RIN3: variants seen among roughly 807,000 people sequenced by gnomAD.
The protein encoded by RIN3 is RAB5 interacting protein 3.
Under a neutral mutation model 76.3 loss-of-function variants are expected in RIN3, and 54 were observed. That is an observed-to-expected ratio of 0.71 (90% CI 0.57 to 0.89). The LOEUF (loss-of-function observed/expected upper bound fraction) is 0.89. Ranked by LOEUF, RIN3 falls within the 40% of genes least tolerant of loss-of-function variation. RIN3 has a pLI of 0.00. For missense variants in RIN3, 1,256 were observed against 1,322.1 expected (o/e 0.95, Z 0.78); for synonymous variants, 576 against 564.0 (o/e 1.02, Z -0.30).
chr14:92,519,522 G>A (rs567787557), intron 1 of RIN3, among the ~76,000 whole-genome samples: 118 of 152,278 alleles, frequency 7.7e-4, no homozygotes, highest in South Asian at 5.2e-3. Context: ...TGAGGAGATC[G>A]CAGACAGCCG....
chr14:92,661,758 C>CAAAAAAA (rs56180273), intron 7 of RIN3, among the ~76,000 whole-genome samples: 2 of 133,238 alleles, frequency 1.5e-5, no homozygotes, highest in Non-Finnish European at 3.1e-5. Context: ...CACACACACA[C>CAAAAAAA]AAAAAATAGA....
intron 2 of RIN3, among the ~76,000 whole-genome samples, chr14:92,564,361 T>C (rs1455912897): frequency 6.6e-6 from 1 of 152,194 alleles, no homozygotes; most frequent in African/African-American, 2.4e-5. Context: ...GAAGAGGGTC[T>C]GCAGACTGGC....
At chr14:92,617,782 A>T (rs1299394234) in intron 4 of RIN3, among the ~76,000 whole-genome samples, 1 of 152,218 alleles carries the variant, frequency 6.6e-6, no homozygotes, top group Non-Finnish European at 1.5e-5. Flanking sequence ...CATAGGCCAC[A>T]TGTGCCAGCA....
chr14:92,559,285 C>T (rs1009272000), intron 2 of RIN3, among the ~76,000 whole-genome samples: 1 of 152,308 alleles, frequency 6.6e-6, no homozygotes, highest in East Asian at 1.9e-4. Flanking sequence ...TAAGTCTCCA[C>T]AGGGATGGGT....
chr14:92,658,442 G>C (rs1319829503), intron 6 of RIN3, among the ~76,000 whole-genome samples: 1 of 152,232 alleles, frequency 6.6e-6, no homozygotes, highest in Non-Finnish European at 1.5e-5. Context: ...TCACAGCGGG[G>C]CCTCTTAGGC....
intron 7 of RIN3, among the ~76,000 whole-genome samples, chr14:92,664,007 G>C (rs926873526): frequency 6.6e-6 from 1 of 152,220 alleles, no homozygotes; most frequent in South Asian, 2.1e-4. Context: ...ATGAATGAGC[G>C]TCTAGATGTT....
rs1002468284 is a variant in RIN3, at chr14:92,514,625, C to T, written c.44+649C>T. Among the ~76,000 whole-genome samples, 4 of 152,238 alleles carry T rather than the reference C, an allele frequency of 2.6e-5. No homozygotes were observed. Among genetic ancestry groups the T allele is most frequent in the Non-Finnish European group, 4.4e-5 (3 of 68,036 alleles). ...GGGTCCAGGGCGCACGGGCTGCGCGCGGGCTGTGGATGCATGACGCCGAAT... is the reference window on the plus strand; with the variant it reads ...GGGTCCAGGGCGCACGGGCTGCGCGTGGGCTGTGGATGCATGACGCCGAAT... On this transcript the variant is annotated intron_variant, in intron 1 of 9. Coordinates refer to ENST00000216487, the MANE Select transcript of RIN3 (RefSeq NM_024832.5). The surrounding 1 kb of genome is among the most constrained non-coding windows in gnomAD (Gnocchi z 7.2).
In RIN3 at chr14:92,688,626, G is replaced by T. The variant is rs1017738800; in HGVS notation, c.*374G>T. Reference sequence around the variant, plus strand: ...CCATCCTCGGTCTTTGCAAAGAAGGGCCCGAGCTTAGTTTCCCCAGGACTG... The same window carrying T: ...CCATCCTCGGTCTTTGCAAAGAAGGTCCCGAGCTTAGTTTCCCCAGGACTG... On this transcript the variant is annotated 3_prime_UTR_variant, in exon 10 of 10. Coordinates refer to ENST00000216487, the MANE Select transcript of RIN3 (RefSeq NM_024832.5). 3.9e-6 allele frequency: 1 copy of T among 259,364 alleles called. No individual in the cohort carries two copies. Among genetic ancestry groups the T allele is most frequent in the Non-Finnish European group, 7.4e-6 (1 of 135,342 alleles). The allele number at this position is 259,364 out of a possible 1,614,324, so 16.1% of individuals were successfully genotyped here. A position where few individuals can be genotyped will look rare whatever the true frequency, so the allele number is the denominator to read the frequency against.
At chr14:92,674,585 CAG>C (rs1337400544) in intron 7 of RIN3, among the ~76,000 whole-genome samples, 3 of 152,012 alleles carry the variant, frequency 2.0e-5, no homozygotes, top group African/African-American at 7.3e-5. Context: ...GCCTGGGCGA[CAG>C]AGTGAAACCC....
chr14:92,684,140 G>A (rs1888760679), intron 8 of RIN3, among the ~76,000 whole-genome samples: 1 of 152,174 alleles, frequency 6.6e-6, no homozygotes, highest in Admixed American at 6.5e-5. Context: ...AGCACTTTGG[G>A]AGGCTGAGGC....
intron 6 of RIN3, among the ~76,000 whole-genome samples, chr14:92,654,305 ACT>A (rs1169476274): frequency 1.4e-5 from 2 of 142,324 alleles, no homozygotes; most frequent in Admixed American, 7.5e-5. Context: ...CAAGAGCAAA[ACT>A]CTGTCTAAAA....
chr14:92,672,799 G>C (rs1243270751), intron 7 of RIN3, among the ~76,000 whole-genome samples: 1 of 151,866 alleles, frequency 6.6e-6, no homozygotes, highest in Non-Finnish European at 1.5e-5. Context: ...AAGAAACTCG[G>C]TACCCATTAG....
rs772324258 is a variant in RIN3 at position 92,652,533 on chromosome 14, C to T, written c.1484C>T (p.Pro495Leu). ...GCGATGGCCTTGGAGACACCCACGC[C>T]GGGTCCACCCAGAGAGGGCCAAAGC... is the stretch of plus-strand genomic sequence containing the variant. Reference protein sequence around the residue: ...TQAMALETPTPGPPREGQSPA... With the variant: ...TQAMALETPTLGPPREGQSPA... The change falls in exon 6 of 10, where the codon CCG becomes CTG. Residue 495 changes from proline (P) to leucine (L), a missense_variant. Pro to Leu is a moderately conservative substitution (Grantham distance 98, BLOSUM62 -3). Coordinates refer to ENST00000216487, the MANE Select transcript of RIN3 (RefSeq NM_024832.5). This position sits in a 1 kb window ranked among gnomAD's most constrained non-coding sequence, Gnocchi z 6.4. The T allele has an allele frequency of 8.7e-6, 14 of 1,613,622 alleles. No individual in the cohort carries two copies. The highest frequency in any genetic ancestry group is 4.0e-5 in the African/African-American group (3 of 74,928).
At chr14:92,561,044 A>AAAAATATATATATATATATATAT (rs1555383856) in intron 2 of RIN3, among the ~76,000 whole-genome samples, 2 of 24,402 alleles carry the variant, frequency 8.2e-5, no homozygotes, top group African/African-American at 1.3e-4. Context: ...AAAAAAAAAA[A>AAAAATATATATATATATATATAT]ATATATATAT....
intron 3 of RIN3, among the ~76,000 whole-genome samples, chr14:92,603,464 AC>A (rs1298131607): frequency 6.6e-6 from 1 of 152,042 alleles, no homozygotes; most frequent in African/African-American, 2.4e-5. Flanking sequence ...TTGTGCAACG[AC>A]CCAGAGGGTG....
rs563598968 is a variant in RIN3, at chr14:92,577,513, C to T, written c.367+36C>T. 4.2e-5 allele frequency: 57 copies of T among 1,361,972 alleles called. 1 individual carries two copies. In the East Asian group the frequency reaches 8.8e-4, roughly 21 times the overall value. The allele number at this position is 1,361,972 out of a possible 1,614,324, so 84.4% of individuals were successfully genotyped here. A position where few individuals can be genotyped will look rare whatever the true frequency, so the allele number is the denominator to read the frequency against. ...ATCTTCTCTGTTTTCACTTTGACCACGCGGCAGCAGCAGCAGCAGAGAGGC... is the reference window on the plus strand; with the variant it reads ...ATCTTCTCTGTTTTCACTTTGACCATGCGGCAGCAGCAGCAGCAGAGAGGC... On this transcript the variant is annotated intron_variant, in intron 3 of 9. Coordinates refer to ENST00000216487, the MANE Select transcript of RIN3 (RefSeq NM_024832.5).
chr14:92,527,046 C>CTT lies in RIN3; in HGVS notation c.44+13091_44+13092dup, dbSNP rs1215618245. On this transcript the variant is annotated intron_variant, in intron 1 of 9. Coordinates refer to ENST00000216487, the MANE Select transcript of RIN3 (RefSeq NM_024832.5). ...TGTGTCTGTCTGTGTTTCTCCCCAT[C>CTT]TTTTTTTTTTTTTTTTTTTTTTGAG... 8.5e-3 allele frequency among the ~76,000 whole-genome samples: 937 copies of CTT among 109,910 alleles called. 36 individuals are homozygous for CTT. Among genetic ancestry groups the CTT allele is most frequent in the African/African-American group, 0.026 (631 of 24,734 alleles). The allele number at this position is 109,910 out of a possible 152,430, so 72.1% of individuals were successfully genotyped here.
At chr14:92,559,312 C>T (rs968373331) in intron 2 of RIN3, among the ~76,000 whole-genome samples, 1 of 152,216 alleles carries the variant, frequency 6.6e-6, no homozygotes, top group African/African-American at 2.4e-5. Flanking sequence ...CCAGCCACAC[C>T]TACCACTAGA....
At chr14:92,585,174 G>A (rs1884724401) in intron 3 of RIN3, among the ~76,000 whole-genome samples, 1 of 152,020 alleles carries the variant, frequency 6.6e-6, no homozygotes, top group South Asian at 2.1e-4. Context: ...CACTGTGCCT[G>A]GGTAATTTTT....
Sources: gnomAD v4.1 joint callset for allele counts (sites outside exome capture counted in the v4.1 genomes callset) on GRCh38, gnomAD v4.1.1 for gene constraint, Gnocchi (gnomAD v3.1) non-coding constraint, MANE v1.5 for transcripts, NCBI Gene and HGNC (gene_info 2026-07-23, HGNC 2026-07-21) for gene names.